The following ABLIM3 variants were observed in gnomAD, a reference collection of about 807,000 sequenced individuals.
The protein encoded by ABLIM3 is actin-binding LIM protein 3.
ABLIM3 carries 61 observed loss-of-function variants against 109.5 expected under a neutral mutation model. That is an observed-to-expected ratio of 0.56 (90% CI 0.45 to 0.69). ABLIM3 has a LOEUF of 0.69. Ranked by LOEUF, ABLIM3 falls within the 30% of genes least tolerant of loss-of-function variation. ABLIM3 has a pLI of 0.00. For synonymous variants in ABLIM3, 300 were observed against 324.8 expected (o/e 0.92, Z 0.82); for missense variants, 796 against 889.5 (o/e 0.89, Z 1.34).
In ABLIM3 at chr5:149,199,856, G is replaced by T. The variant is rs1171162108; in HGVS notation, c.336-460G>T. Among the ~76,000 whole-genome samples, 3 of 152,336 alleles carry T rather than the reference G, an allele frequency of 2.0e-5. No individual in the cohort carries two copies. In the East Asian group the frequency reaches 5.8e-4, roughly 29 times the overall value. On this transcript the variant is annotated intron_variant, in intron 4 of 23. Coordinates refer to ENST00000309868, the MANE Select transcript of ABLIM3 (RefSeq NM_014945.5). The stretch of plus-strand genomic sequence containing the variant: ...AACTGAACAAATCCAGATGAGGAGA[G>T]TAAAAGATTATTTACAGACTTACAA...
intron 23 of ABLIM3, among the ~76,000 whole-genome samples, 156 bp downstream of exon 23, chr5:149,252,993 A>G (rs1406845698): frequency 6.6e-6 from 1 of 152,160 alleles, no homozygotes; most frequent in East Asian, 1.9e-4. Context: ...CCTCAGCCCA[A>G]AACTTCCCCA....
intron 3 of ABLIM3, among the ~76,000 whole-genome samples, chr5:149,191,595 AAATAATC>A (rs1757482699): frequency 7.1e-6 from 1 of 140,480 alleles, no homozygotes; most frequent in African/African-American, 2.9e-5. Flanking sequence ...AAACAAGGAA[AAATAATC>A]ATATGTCCAT....
chr5:149,155,251 A>G (rs1753776663), intron 2 of ABLIM3, among the ~76,000 whole-genome samples: 1 of 152,092 alleles, frequency 6.6e-6, no homozygotes, highest in Non-Finnish European at 1.5e-5. Context: ...ATGGATTGGG[A>G]TGGCTGATCT....
chr5:149,241,849 G>T (rs531586789), intron 14 of ABLIM3, among the ~76,000 whole-genome samples: 1 of 152,282 alleles, frequency 6.6e-6, no homozygotes, highest in South Asian at 2.1e-4. Flanking sequence ...TCATGTGACC[G>T]CAGGTCATGA....
intron 3 of ABLIM3, among the ~76,000 whole-genome samples, chr5:149,192,184 A>T (rs75621958): frequency 7.8e-4 from 118 of 152,232 alleles, no homozygotes; most frequent in Middle Eastern, 3.4e-3. Context: ...ATCCAGCAAG[A>T]TATAGAAATA....
intron 2 of ABLIM3, among the ~76,000 whole-genome samples, chr5:149,181,395 G>A (rs1756444019): frequency 6.6e-6 from 1 of 152,158 alleles, no homozygotes; most frequent in African/African-American, 2.4e-5. Context: ...GAAATATTTT[G>A]CATGTATTGA....
intron 3 of ABLIM3, among the ~76,000 whole-genome samples, chr5:149,187,285 A>G (rs1757044691): frequency 6.6e-6 from 1 of 152,222 alleles, no homozygotes; most frequent in Non-Finnish European, 1.5e-5. Context: ...TCCACCTACA[A>G]TATCAGAGTA....
At chr5:149,172,231 TG>T in intron 2 of ABLIM3, among the ~76,000 whole-genome samples, 1 of 152,238 alleles carries the variant, frequency 6.6e-6, no homozygotes, top group South Asian at 2.1e-4. Context: ...CATAAAATAA[TG>T]AAACAGAATG....
chr5:149,173,332 A>G (rs907338159), intron 2 of ABLIM3, among the ~76,000 whole-genome samples: 1 of 152,242 alleles, frequency 6.6e-6, no homozygotes, highest in Non-Finnish European at 1.5e-5. Context: ...CCTCTGCCCC[A>G]TAAGAATGGA....
chr5:149,202,367 A>G (rs1037735820), intron 5 of ABLIM3, among the ~76,000 whole-genome samples: 1 of 152,232 alleles, frequency 6.6e-6, no homozygotes, highest in African/African-American at 2.4e-5. Context: ...ACTTAGTATT[A>G]TAGCTTATCT....
chr5:149,236,518 C>T (rs960353774), intron 10 of ABLIM3, among the ~76,000 whole-genome samples: 1 of 151,912 alleles, frequency 6.6e-6, no homozygotes, highest in Non-Finnish European at 1.5e-5. Context: ...AGGACATGGC[C>T]GTGGAAAAGG....
intron 8 of ABLIM3, among the ~76,000 whole-genome samples, chr5:149,223,454 T>G (rs1760863258): frequency 6.6e-6 from 1 of 152,206 alleles, no homozygotes; most frequent in African/African-American, 2.4e-5. Context: ...ATTTTATTAG[T>G]CTAGACATTT....
intron 14 of ABLIM3, among the ~76,000 whole-genome samples, chr5:149,242,204 C>T (rs1752922418): frequency 6.6e-6 from 1 of 152,134 alleles, no homozygotes; most frequent in Non-Finnish European, 1.5e-5. Flanking sequence ...AGCACACACA[C>T]CCCTGTGCCT....
intron 3 of ABLIM3, among the ~76,000 whole-genome samples, chr5:149,194,038 G>A (rs986204893): frequency 6.6e-6 from 1 of 152,092 alleles, no homozygotes; most frequent in Non-Finnish European, 1.5e-5. Flanking sequence ...TCTGAAACAT[G>A]ACACAGAAAG....
At chr5:149,242,443 G>A in intron 14 of ABLIM3, 48 bp from the exon 15 acceptor site, 2 of 1,571,156 alleles carry the variant, frequency 1.3e-6, no homozygotes, top group Non-Finnish European at 8.8e-7. Context: ...CTTTTCTCCT[G>A]TCTCTCTCTC....
chr5:149,241,527 G>A (rs762689818), intron 14 of ABLIM3, among the ~76,000 whole-genome samples: 12 of 152,308 alleles, frequency 7.9e-5, no homozygotes, highest in Non-Finnish European at 1.6e-4. Context: ...TTGGGAGGCC[G>A]AGGCGTGTGG....
intron 22 of ABLIM3, 66 bp from the exon 23 acceptor site, chr5:149,252,691 A>T (rs1754046912): frequency 2.5e-6 from 3 of 1,219,040 alleles, no homozygotes; most frequent in Admixed American, 1.7e-5. Flanking sequence ...CAGACACAAA[A>T]TGTACCTGAA....
intron 17 of ABLIM3, among the ~76,000 whole-genome samples, chr5:149,246,989 T>C (rs1021869564): frequency 2.0e-5 from 3 of 152,190 alleles, no homozygotes; most frequent in Admixed American, 2.0e-4. Context: ...CTTAAACAAA[T>C]ACATATATAC....
At position 149,259,413 on chromosome 5, in the gene ABLIM3, T is replaced by C; in HGVS notation, c.*1009T>C. The C allele has an allele frequency of 6.7e-7, 1 of 1,503,626 alleles. No individual in the cohort carries two copies. The highest frequency in any genetic ancestry group is 8.9e-7 in the Non-Finnish European group (1 of 1,129,200). The allele number at this position is 1,503,626 out of a possible 1,614,324, so 93.1% of individuals were successfully genotyped here. A position where few individuals can be genotyped will look rare whatever the true frequency, so the allele number is the denominator to read the frequency against. ...ACCAGACAGACAACTCTCATCATCCTCCAGAGAGAAAATAGGCCGTGTCTC... is the reference window on the plus strand; with the variant it reads ...ACCAGACAGACAACTCTCATCATCCCCCAGAGAGAAAATAGGCCGTGTCTC... On this transcript the variant is annotated 3_prime_UTR_variant, in exon 24 of 24. Coordinates refer to ENST00000309868, the MANE Select transcript of ABLIM3 (RefSeq NM_014945.5).
Sources: gnomAD v4.1 joint callset for allele counts (sites outside exome capture counted in the v4.1 genomes callset) on GRCh38, gnomAD v4.1.1 for gene constraint, MANE v1.5 for transcripts, NCBI Gene and HGNC (gene_info 2026-07-23, HGNC 2026-07-21) for gene names.